TMEM217: variants seen among roughly 807,000 people sequenced by gnomAD.
The protein encoded by TMEM217 is transmembrane protein 217, also known as chromosome 6 open reading frame 128.
For missense variants in TMEM217, 204 were observed against 248.8 expected, an observed-to-expected ratio of 0.82 and a Z score of 1.21; for synonymous variants, 76 against 88.3, an observed-to-expected ratio of 0.86 and a Z score of 0.78.
intron 1 of TMEM217, among the ~76,000 whole-genome samples, chr6:37,229,465 C>G (rs1015129779): frequency 1.3e-5 from 2 of 150,278 alleles, no homozygotes; most frequent in African/African-American, 4.9e-5. Context: ...TCCTCAGCCT[C>G]CCGAGTAGCT....
chr6:37,236,359 G>A (rs567820705), intron 1 of TMEM217, among the ~76,000 whole-genome samples: 1 of 152,230 alleles, frequency 6.6e-6, no homozygotes, highest in African/African-American at 2.4e-5. Flanking sequence ...CTGCAGCTCA[G>A]TTTAACCCTT....
rs1554170979 is a variant in TMEM217, at chr6:37,229,343, T to TTTTTG, written c.-11-10303_-11-10302insCAAAA. Among the ~76,000 whole-genome samples the TTTTTG allele has an allele frequency of 4.7e-4, 60 of 126,636 alleles. 2 individuals carry two copies. Among genetic ancestry groups the TTTTTG allele is most frequent in the African/African-American group, 1.9e-3 (60 of 32,272 alleles). The allele number at this position is 126,636 out of a possible 152,430, so 83.1% of individuals were successfully genotyped here. On this transcript the variant is annotated intron_variant, in intron 1 of 1. Transcript: ENST00000357219. ...CTCCCTAGCAACTTTCAGTTTTTTT[T>TTTTTG]TTTTTTTTTTTTTTTTTGAGACAGT...
At chr6:37,234,187 T>C (rs914174947) in intron 1 of TMEM217, among the ~76,000 whole-genome samples, 1 of 151,372 alleles carries the variant, frequency 6.6e-6, no homozygotes, top group African/African-American at 2.4e-5. Flanking sequence ...GCAACCTCTG[T>C]CTCCCAGATT....
rs146196571 is a variant in TMEM217, at chr6:37,248,025, C to T, written c.-12+9543G>A. 3.5e-4 allele frequency among the ~76,000 whole-genome samples: 53 copies of T among 152,280 alleles called. No individual in the cohort carries two copies. The East Asian group carries it at 9.7e-3, about 28-fold the overall frequency. ...TTTCTCCTTGTAGACATCCATAGTTCCATGTAGGTCTCATTCTTCTGCCTA... is the reference window on the plus strand; with the variant it reads ...TTTCTCCTTGTAGACATCCATAGTTTCATGTAGGTCTCATTCTTCTGCCTA... On this transcript the variant is annotated intron_variant, in intron 1 of 1. Coordinates refer to ENST00000357219, the Ensembl canonical transcript of TMEM217.
In TMEM217 at chr6:37,234,302, G is replaced by A. The variant is rs1269229219; in HGVS notation, c.-11-15261C>T. Among the ~76,000 whole-genome samples the A allele has an allele frequency of 2.0e-5, 3 of 152,100 alleles. No individual in the cohort carries two copies. In the South Asian group the frequency reaches 6.2e-4, roughly 32 times the overall value. ...TTTAGTCGAGGTGGGGTTTCTCCAT[G>A]TTGGCCAGGCTGGTCTCGAACTCCT... On this transcript the variant is annotated intron_variant, in intron 1 of 1. Transcript: ENST00000357219.
At chr6:37,256,247 G>A (rs1765719630) in intron 1 of TMEM217, among the ~76,000 whole-genome samples, 1 of 152,154 alleles carries the variant, frequency 6.6e-6, no homozygotes, top group African/African-American at 2.4e-5. Flanking sequence ...ACTGCTGGTT[G>A]CCACCAAGGT....
chr6:37,228,152 T>C (rs1763952417), intron 1 of TMEM217, among the ~76,000 whole-genome samples: 1 of 152,086 alleles, frequency 6.6e-6, no homozygotes, highest in Admixed American at 6.6e-5. Flanking sequence ...TCCCAACTAC[T>C]TGAGAGGCTA....
At chr6:37,250,402 C>T (rs1765334025) in intron 1 of TMEM217, among the ~76,000 whole-genome samples, 2 of 152,104 alleles carry the variant, frequency 1.3e-5, no homozygotes, top group Non-Finnish European at 2.9e-5. Flanking sequence ...TATACATTCT[C>T]TTGTGTGTAT....
chr6:37,246,208 C>G (rs1047550438), intron 1 of TMEM217, among the ~76,000 whole-genome samples: 1 of 152,134 alleles, frequency 6.6e-6, no homozygotes, highest in East Asian at 1.9e-4. Flanking sequence ...TCAGCTTTTG[C>G]CACAACAATG....
At chr6:37,221,714 C>CAG (rs1258158823) in intron 1 of TMEM217, among the ~76,000 whole-genome samples, 1 of 152,162 alleles carries the variant, frequency 6.6e-6, no homozygotes, top group Non-Finnish European at 1.5e-5. Flanking sequence ...CTGTGGCCAG[C>CAG]GGCACCTTTG....
chr6:37,214,386 C>A (rs1280879769), downstream of TMEM217, among the ~76,000 whole-genome samples: 2 of 152,146 alleles, frequency 1.3e-5, no homozygotes, highest in African/African-American at 2.4e-5. Context: ...CGCCAGCATG[C>A]CCAGCTAATT....
At chr6:37,237,585 A>G (rs1279456054) in intron 1 of TMEM217, among the ~76,000 whole-genome samples, 1 of 152,234 alleles carries the variant, frequency 6.6e-6, no homozygotes, top group Non-Finnish European at 1.5e-5. Flanking sequence ...TAGACCAGTT[A>G]ATAACCAGAA....
chr6:37,254,100 G>T (rs1765591367), intron 1 of TMEM217, among the ~76,000 whole-genome samples: 1 of 152,196 alleles, frequency 6.6e-6, no homozygotes. Context: ...AGTAACAGAA[G>T]ATCTATAAAG....
At chr6:37,223,887 T>C (rs891004206) in intron 1 of TMEM217, among the ~76,000 whole-genome samples, 24 of 151,636 alleles carry the variant, frequency 1.6e-4, no homozygotes, top group African/African-American at 2.7e-4. Context: ...AATGCAATCA[T>C]AGCTCACTGC....
At chr6:37,229,359 T>TTTTC (rs1764058661) in intron 1 of TMEM217, among the ~76,000 whole-genome samples, 1 of 147,252 alleles carries the variant, frequency 6.8e-6, no homozygotes, top group East Asian at 2.0e-4. Flanking sequence ...TTTTTTTTTT[T>TTTTC]TGAGACAGTG....
intron 1 of TMEM217, among the ~76,000 whole-genome samples, chr6:37,230,400 G>A (rs1764132615): frequency 6.6e-6 from 1 of 152,184 alleles, no homozygotes; most frequent in East Asian, 1.9e-4. Flanking sequence ...CGTCACCAGG[G>A]ATTTCAATTC....
chr6:37,220,760 A>C (rs1158960151), intron 1 of TMEM217, among the ~76,000 whole-genome samples: 1 of 152,192 alleles, frequency 6.6e-6, no homozygotes, highest in Non-Finnish European at 1.5e-5. Flanking sequence ...ACAAGTACAT[A>C]GTGAAAAATA....
chr6:37,221,443 T>C (rs958592340), intron 1 of TMEM217, among the ~76,000 whole-genome samples: 1 of 152,126 alleles, frequency 6.6e-6, no homozygotes, highest in Non-Finnish European at 1.5e-5. Context: ...CACCTCGGCC[T>C]CCCAAAGTGC....
At chr6:37,218,471 C>T (rs778804410) in exon 2 of TMEM217, 3 of 1,613,568 alleles carry the variant, frequency 1.9e-6, no homozygotes, top group Non-Finnish European at 2.5e-6. Context: ...GCCACTGAAC[C>T]CACTCGAAAT....
Sources: allele counts gnomAD v4.1 joint callset (sites outside exome capture counted in the v4.1 genomes callset), GRCh38; gene constraint gnomAD v4.1.1; transcripts MANE v1.5; gene names NCBI Gene and HGNC (gene_info 2026-07-23, HGNC 2026-07-21).